MLXIP: variants seen among roughly 807,000 people sequenced by gnomAD.
The protein encoded by MLXIP is MLX interacting protein.
A neutral mutation model predicts 87.2 loss-of-function variants in MLXIP; 30 were observed. The observed-to-expected ratio is 0.34, with a 90% CI of 0.26 to 0.47. MLXIP has a LOEUF of 0.47. Ranked by LOEUF, MLXIP falls within the 20% of genes least tolerant of loss-of-function variation. MLXIP has a pLI of 1.00. For synonymous variants in MLXIP, 530 were observed against 514.0 expected (o/e 1.03, Z -0.42); for missense variants, 1,002 against 1,240.1 (o/e 0.81, Z 2.88).
rs758243028 is a variant in MLXIP at position 122,138,303 on chromosome 12, G to A, written c.2256+8G>A. 2 of 1,613,750 alleles carry A rather than the reference G, an allele frequency of 1.2e-6. No homozygotes were observed. Among genetic ancestry groups the A allele is most frequent in the Non-Finnish European group, 1.7e-6 (2 of 1,179,788 alleles). The stretch of plus-strand genomic sequence containing the variant: ...TCCAACAATTCCAAGCTGGTGAGTT[G>A]CCAAGAGCGTGGGCTGTGGCAGGGC... On this transcript the variant is annotated splice_region_variant and intron_variant, in intron 13 of 16. Coordinates refer to ENST00000319080, the MANE Select transcript of MLXIP (RefSeq NM_014938.6).
At chr12:122,119,060 T>G (rs1233696095) in intron 1 of MLXIP, among the ~76,000 whole-genome samples, 3 of 151,534 alleles carry the variant, frequency 2.0e-5, no homozygotes, top group African/African-American at 7.3e-5. Flanking sequence ...TCCCAGCTAC[T>G]TGGAGGCTAA....
rs1035799478 is a variant in MLXIP, at chr12:122,102,239, T to TA, written c.413+22981dup. ...AGAATATATAAAGAATTCTACAAAT[T>TA]AAAAAAAACACAAATAACCCAATTT... On this transcript the variant is annotated intron_variant, in intron 1 of 16. Transcript: ENST00000319080. 3.5e-4 allele frequency among the ~76,000 whole-genome samples: 53 copies of TA among 151,780 alleles called. No individual in the cohort carries two copies. The Middle Eastern group carries it at 0.014, about 39-fold the overall frequency.
intron 1 of MLXIP, among the ~76,000 whole-genome samples, chr12:122,112,531 C>A (rs1312735317): frequency 6.6e-6 from 1 of 151,892 alleles, no homozygotes; most frequent in Non-Finnish European, 1.5e-5. Flanking sequence ...CCTGTAGTCC[C>A]AGCTACTCAG....
At chr12:122,088,797 A>G (rs1424134136) in intron 1 of MLXIP, among the ~76,000 whole-genome samples, 2 of 152,004 alleles carry the variant, frequency 1.3e-5, no homozygotes, top group African/African-American at 4.8e-5. Context: ...TCACCAAAAC[A>G]AAAAAACAGC....
chr12:122,119,486 G>A (rs1417219072), intron 1 of MLXIP, among the ~76,000 whole-genome samples: 5 of 152,060 alleles, frequency 3.3e-5, no homozygotes, highest in Non-Finnish European at 5.9e-5. Context: ...CCGCCTTCCA[G>A]GTTCATGCCA....
rs1028517618 is a variant in MLXIP, at chr12:122,115,450, A to G, written c.414-11806A>G. On this transcript the variant is annotated intron_variant, in intron 1 of 16. Transcript: ENST00000319080. ...TAAAAATACAAAAAATTAGCTGGGCATGGTAGCGGGCACCTGTCATCCCAA... is the reference window on the plus strand; with the variant it reads ...TAAAAATACAAAAAATTAGCTGGGCGTGGTAGCGGGCACCTGTCATCCCAA... 2.6e-5 allele frequency among the ~76,000 whole-genome samples: 4 copies of G among 151,864 alleles called. No individual in the cohort carries two copies. The East Asian group carries it at 7.8e-4, about 29-fold the overall frequency.
chr12:122,091,416 G>T (rs147310748), intron 1 of MLXIP, among the ~76,000 whole-genome samples: 1 of 152,080 alleles, frequency 6.6e-6, no homozygotes, highest in Non-Finnish European at 1.5e-5. Context: ...AGACCTTTAC[G>T]GCCGGGTGCA....
At chr12:122,092,010 T>C (rs189592354) in intron 1 of MLXIP, among the ~76,000 whole-genome samples, 1 of 152,358 alleles carries the variant, frequency 6.6e-6, no homozygotes, top group East Asian at 1.9e-4. Flanking sequence ...ATGAAGGCGG[T>C]GTGCTGTTTG....
In MLXIP at chr12:122,127,237, G is replaced by A. The variant is rs777769485; in HGVS notation, c.414-19G>A. ...TTCAGAGTAACCACTGAGTCTCCCC[G>A]CTTTGCCTTGCCTTTCAGTGGGAAG... On this transcript the variant is annotated intron_variant, in intron 1 of 16. Coordinates refer to ENST00000319080, the MANE Select transcript of MLXIP (RefSeq NM_014938.6). 10 of 1,593,826 alleles carry A rather than the reference G, an allele frequency of 6.3e-6. No homozygotes were observed. The highest frequency in any genetic ancestry group is 4.0e-5 in the African/African-American group (3 of 74,666).
At position 122,133,976 on chromosome 12, in the gene MLXIP, G is replaced by A. The variant is rs369483429; in HGVS notation, c.1721G>A (p.Arg574His). 4.4e-5 allele frequency: 70 copies of A among 1,598,666 alleles called. No homozygotes were observed. The South Asian group carries it at 4.9e-4, about 11-fold the overall frequency. ...GTGTCCTTGGTGTTGAAGAATGCCC[G>A]TATCGCCCCAGGTGAGCCAGGCGGG... ...EPVSLVLKNA[R>H]IAPAAFSGQP... Residue 574 changes from arginine to histidine, a missense_variant, in exon 9 of 17, where the codon CGT becomes CAT. By Grantham distance (29) the Arg-to-His change is conservative. Coordinates refer to ENST00000319080, the MANE Select transcript of MLXIP (RefSeq NM_014938.6). This position sits in a 1 kb window ranked among gnomAD's most constrained non-coding sequence, Gnocchi z 4.9.
chr12:122,101,543 GTTAT>G (rs1157139973), intron 1 of MLXIP, among the ~76,000 whole-genome samples: 4 of 145,482 alleles, frequency 2.7e-5, no homozygotes, highest in Non-Finnish European at 4.5e-5. Context: ...TCTTCAAGAA[GTTAT>G]TTATTTATTT....
chr12:122,095,302 G>T (rs1952335487), intron 1 of MLXIP, among the ~76,000 whole-genome samples: 1 of 151,684 alleles, frequency 6.6e-6, no homozygotes, highest in African/African-American at 2.4e-5. Context: ...GTGTGTGGGG[G>T]GGTGTGTGTT....
intron 1 of MLXIP, among the ~76,000 whole-genome samples, chr12:122,123,803 G>A (rs1014800196): frequency 6.6e-6 from 1 of 152,098 alleles, no homozygotes. Flanking sequence ...GGGCTCAAGC[G>A]ACCTTCCTGC....
intron 1 of MLXIP, among the ~76,000 whole-genome samples, chr12:122,115,275 G>A (rs1212159141): frequency 1.3e-5 from 2 of 151,922 alleles, no homozygotes; most frequent in Admixed American, 6.6e-5. Context: ...CAGGGAAGCA[G>A]TACAAGAAAT....
At chr12:122,103,910 T>C (rs1447606523) in intron 1 of MLXIP, among the ~76,000 whole-genome samples, 1 of 151,624 alleles carries the variant, frequency 6.6e-6, no homozygotes, top group African/African-American at 2.4e-5. Flanking sequence ...TCTGGGCTCA[T>C]GTGATCCTTC....
In MLXIP at chr12:122,141,568, C is replaced by T. The variant is rs112875130; in HGVS notation, c.2639-123C>T. Reference sequence around the variant, plus strand: ...GGCCCCTGGCACTCCTCCCTGCAGTCCAGCATGGCTGCTGCTCGCCCCGTG... The same window carrying T: ...GGCCCCTGGCACTCCTCCCTGCAGTTCAGCATGGCTGCTGCTCGCCCCGTG... On this transcript the variant is annotated intron_variant, in intron 16 of 16. Coordinates refer to ENST00000319080, the MANE Select transcript of MLXIP (RefSeq NM_014938.6). 3,222 of 1,468,726 alleles carry T rather than the reference C, an allele frequency of 2.2e-3. 60 individuals are homozygous for T. In the African/African-American group the frequency reaches 0.039, roughly 18 times the overall value. 91.0% of individuals were successfully genotyped at this position (1,468,726 alleles called of 1,614,324 possible). A position where few individuals can be genotyped will look rare whatever the true frequency, so the allele number is the denominator to read the frequency against.
In MLXIP at chr12:122,127,340, C is replaced by A. The variant is rs762291766; in HGVS notation, c.498C>A (p.Ile166=). 8 of 1,612,376 alleles carry A rather than the reference C, an allele frequency of 5.0e-6. No individual in the cohort carries two copies. The South Asian group carries it at 7.7e-5, about 16-fold the overall frequency. The change falls in exon 2 of 17, where the codon ATC becomes ATA. Residue 166 remains isoleucine (I), a synonymous_variant. Coordinates refer to ENST00000319080, the MANE Select transcript of MLXIP (RefSeq NM_014938.6). ...WRDKIRLNNA[I]WRAWYMQYLE... ...ACAAGATCCGGCTCAATAATGCCAT[C>A]TGGCGGGCCTGGTACATGCAGTGTA...
rs1233404015 is a variant in MLXIP, at chr12:122,121,010, G to GTTTTTTTTTTTTTTTTTT, written c.414-6245_414-6228dup. ...AGCCCCAGAGCCCTCTGCATGCTTG[G>GTTTTTTTTTTTTTTTTTT]TTTTTTTTTTTTTTTTTTGAAACGG... On this transcript the variant is annotated intron_variant, in intron 1 of 16. Transcript: ENST00000319080. 3.1e-3 allele frequency among the ~76,000 whole-genome samples: 352 copies of GTTTTTTTTTTTTTTTTTT among 111,804 alleles called. 27 individuals carry two copies. The highest frequency in any genetic ancestry group is 9.4e-3 in the African/African-American group (257 of 27,394). The allele number at this position is 111,804 out of a possible 152,430, so 73.3% of individuals were successfully genotyped here.
chr12:122,132,211 C>T (rs553985858), intron 7 of MLXIP, 81 bp from the exon 8 acceptor site: 1 of 1,109,944 alleles, frequency 9.0e-7, no homozygotes. Context: ...CATGAGCCAC[C>T]GTGCCTGGCC....
Sources: allele counts gnomAD v4.1 joint callset (sites outside exome capture counted in the v4.1 genomes callset), GRCh38; gene constraint gnomAD v4.1.1; non-coding constraint Gnocchi (gnomAD v3.1); transcripts MANE v1.5; gene names NCBI Gene and HGNC (gene_info 2026-07-23, HGNC 2026-07-21).